Variants in PIEZO2 observed in about 807,000 individuals in gnomAD.
The protein encoded by PIEZO2 is piezo-type mechanosensitive ion channel component 2.
In PIEZO2, 172 loss-of-function variants were observed where a neutral mutation model predicts 337.3. The observed-to-expected ratio is 0.51, with a 90% CI of 0.45 to 0.58. The LOEUF is 0.58. Among genes scored for constraint, PIEZO2 ranks in the 20% least tolerant of loss-of-function variants. PIEZO2 has a pLI of 0.00. For synonymous variants in PIEZO2, 1,251 were observed against 1,228.5 expected, an observed-to-expected ratio of 1.02 and a Z score of -0.38; for missense variants, 3,028 against 3,391.3, an observed-to-expected ratio of 0.89 and a Z score of 2.66.
At chr18:10,868,519 A>G (rs1467164406) in intron 5 of PIEZO2, among the ~76,000 whole-genome samples, 1 of 152,188 alleles carries the variant, frequency 6.6e-6, no homozygotes, top group East Asian at 1.9e-4. Flanking sequence ...ATAAAAATCA[A>G]TGATGTAAAA....
Position 11,048,871 on chromosome 18 carries a change from G to T in PIEZO2, c.160+17256C>A, listed in dbSNP as rs1423789001. Among the ~76,000 whole-genome samples the T allele has an allele frequency of 1.3e-5, 2 of 152,080 alleles. No individual in the cohort carries two copies. Among genetic ancestry groups the T allele is most frequent in the Admixed American group, 1.3e-4 (2 of 15,276 alleles). On this transcript the variant is annotated intron_variant, in intron 2 of 55. Transcript: ENST00000674853. The surrounding 1 kb of genome is among the most constrained non-coding windows in gnomAD (Gnocchi z 4.5). ...TTATAATTAATAATCTGCACTTTTTGAAAGTTAAATATAAATTTTCATCTC... is the reference window on the plus strand; with the variant it reads ...TTATAATTAATAATCTGCACTTTTTTAAAGTTAAATATAAATTTTCATCTC...
At position 10,825,474 on chromosome 18, in the gene PIEZO2, A is replaced by G. The variant is rs149755420; in HGVS notation, c.918-18200T>C. Reference sequence around the variant, plus strand: ...CTTATACCTGATGATGTTAAGTTTGATCACTTGGCTGAGTGTTTGTCAGGT... The same window carrying G: ...CTTATACCTGATGATGTTAAGTTTGGTCACTTGGCTGAGTGTTTGTCAGGT... On this transcript the variant is annotated intron_variant, in intron 7 of 55. Transcript: ENST00000674853. Among the ~76,000 whole-genome samples, 26 of 150,004 alleles carry G rather than the reference A, an allele frequency of 1.7e-4. No homozygotes were observed. In the East Asian group the frequency reaches 4.7e-3, roughly 27 times the overall value.
intron 30 of PIEZO2, 128 bp from the exon 31 acceptor site, chr18:10,744,359 C>T (rs929636270): frequency 7.5e-5 from 48 of 643,036 alleles, no homozygotes; most frequent in Non-Finnish European, 1.2e-4. Flanking sequence ...AGTTTCCTGG[C>T]TGGGAGCAGG....
chr18:11,137,527 G>A (rs978354273), intron 1 of PIEZO2, among the ~76,000 whole-genome samples: 14 of 152,194 alleles, frequency 9.2e-5, no homozygotes, highest in African/African-American at 3.1e-4. Flanking sequence ...CGCATAGCTC[G>A]TTATGAACAG....
At chr18:11,065,940 A>C (rs1015594907) in intron 2 of PIEZO2, among the ~76,000 whole-genome samples, 187 bp downstream of exon 2, 1 of 152,236 alleles carries the variant, frequency 6.6e-6, no homozygotes, top group African/African-American at 2.4e-5. Context: ...ACAAACATGC[A>C]TCACAAACAA....
chr18:10,864,407 C>A (rs2041953423), intron 5 of PIEZO2, among the ~76,000 whole-genome samples: 1 of 152,020 alleles, frequency 6.6e-6, no homozygotes, highest in Non-Finnish European at 1.5e-5. Flanking sequence ...AATATAAGGT[C>A]CTAAGGACAT....
chr18:10,685,075 T>C (rs1339066617), intron 49 of PIEZO2, among the ~76,000 whole-genome samples: 1 of 152,010 alleles, frequency 6.6e-6, no homozygotes, highest in East Asian at 1.9e-4. Flanking sequence ...AGAATAAGAG[T>C]GAGTGGCCTG....
intron 7 of PIEZO2, among the ~76,000 whole-genome samples, chr18:10,820,342 T>G (rs2040486307): frequency 6.7e-6 from 1 of 149,884 alleles, no homozygotes; most frequent in African/African-American, 2.5e-5. Flanking sequence ...GTTCAGTGGT[T>G]TTTTTTTTTT....
Position 11,103,997 on chromosome 18 carries a change from T to A in PIEZO2, c.65-37775A>T, listed in dbSNP as rs192000226. 5.3e-5 allele frequency among the ~76,000 whole-genome samples: 8 copies of A among 152,174 alleles called. No individual in the cohort carries two copies. The East Asian group carries it at 1.5e-3, about 29-fold the overall frequency. ...CGCACCACCACACCCAGCTAAGTGG[T>A]CATATTTTTAATTCACTTTCAAAAC... On this transcript the variant is annotated intron_variant, in intron 1 of 55. Coordinates refer to ENST00000674853, the MANE Select transcript of PIEZO2 (RefSeq NM_001378183.1).
intron 3 of PIEZO2, among the ~76,000 whole-genome samples, chr18:10,951,692 C>T (rs1378730726): frequency 6.6e-6 from 1 of 152,160 alleles, no homozygotes; most frequent in Non-Finnish European, 1.5e-5. Context: ...TTGGGAACCA[C>T]TTCTTTTTAT....
At chr18:11,060,949 A>G (rs1398372166) in intron 2 of PIEZO2, among the ~76,000 whole-genome samples, 1 of 152,198 alleles carries the variant, frequency 6.6e-6, no homozygotes, top group Non-Finnish European at 1.5e-5. Flanking sequence ...CAGAGACACA[A>G]CAAAACAAGA....
rs2040865361 is a variant in PIEZO2 at position 11,148,472 on chromosome 18, C to G, written c.64+53G>C. ...TCACTTTGTTAAGAAGTCCCCCACC[C>G]AGGCGCCCCCCTCGTCCTCCTCAAG... On this transcript the variant is annotated intron_variant, in intron 1 of 55. Transcript: ENST00000674853. The surrounding 1 kb of genome is among the most constrained non-coding windows in gnomAD (Gnocchi z 5.2). 2 of 1,524,302 alleles carry G rather than the reference C, an allele frequency of 1.3e-6. No homozygotes were observed. Among genetic ancestry groups the G allele is most frequent in the Non-Finnish European group, 1.8e-6 (2 of 1,135,370 alleles). The allele number at this position is 1,524,302 out of a possible 1,614,324, so 94.4% of individuals were successfully genotyped here. A position where few individuals can be genotyped will look rare whatever the true frequency, so the allele number is the denominator to read the frequency against.
At chr18:10,710,583 T>G (rs1461344178) in intron 39 of PIEZO2, among the ~76,000 whole-genome samples, 3 of 152,248 alleles carry the variant, frequency 2.0e-5, no homozygotes, top group African/African-American at 4.8e-5. Flanking sequence ...TTCTCGTAAG[T>G]CAAAGGGACT....
rs1214929370 is a variant in PIEZO2, at chr18:11,132,566, G to T, written c.64+15959C>A. ...GAATCAGAAGGTAGAAGTAGAAGTG[G>T]CACCACTCACAATCATCCCTAGTGA... On this transcript the variant is annotated intron_variant, in intron 1 of 55. Coordinates refer to ENST00000674853, the MANE Select transcript of PIEZO2 (RefSeq NM_001378183.1). This position sits in a 1 kb window ranked among gnomAD's most constrained non-coding sequence, Gnocchi z 4.7. 6.6e-6 allele frequency among the ~76,000 whole-genome samples: 1 copy of T among 152,104 alleles called. No homozygotes were observed. The highest frequency in any genetic ancestry group is 2.4e-5 in the African/African-American group (1 of 41,414).
chr18:10,796,918 C>A (rs2039620039), intron 12 of PIEZO2, among the ~76,000 whole-genome samples: 1 of 152,016 alleles, frequency 6.6e-6, no homozygotes, highest in African/African-American at 2.4e-5. Flanking sequence ...TCTTACATAC[C>A]ATCATATATG....
Position 10,940,412 on chromosome 18 carries a change from G to A in PIEZO2, c.287-29184C>T, listed in dbSNP as rs2032663881. ...TGCTACATGGATGCCAACAACATAA[G>A]CGAATCTTACCTGCAGAATATCCTA... On this transcript the variant is annotated intron_variant, in intron 3 of 55. Coordinates refer to ENST00000674853, the MANE Select transcript of PIEZO2 (RefSeq NM_001378183.1). This position sits in a 1 kb window ranked among gnomAD's most constrained non-coding sequence, Gnocchi z 5.3. 6.6e-6 allele frequency among the ~76,000 whole-genome samples: 1 copy of A among 152,152 alleles called. No individual in the cohort carries two copies. Among genetic ancestry groups the A allele is most frequent in the African/African-American group, 2.4e-5 (1 of 41,432 alleles).
intron 2 of PIEZO2, among the ~76,000 whole-genome samples, chr18:11,057,560 G>A (rs919116792): frequency 1.3e-5 from 2 of 152,208 alleles, no homozygotes; most frequent in African/African-American, 2.4e-5. Flanking sequence ...TTTGCAGGGA[G>A]GTGGATTTCA....
In PIEZO2 at chr18:11,028,591, A is replaced by G. The variant is rs1260682265; in HGVS notation, c.160+37536T>C. ...GTGGCCATCTTATATGGTCATTGAC[A>G]CTGTCCTTCAGCTTTATCTGAACAC... On this transcript the variant is annotated intron_variant, in intron 2 of 55. Transcript: ENST00000674853. The surrounding 1 kb of genome is among the most constrained non-coding windows in gnomAD (Gnocchi z 4.8). Among the ~76,000 whole-genome samples, 4 of 152,162 alleles carry G rather than the reference A, an allele frequency of 2.6e-5. No homozygotes were observed. Among genetic ancestry groups the G allele is most frequent in the Non-Finnish European group, 5.9e-5 (4 of 68,028 alleles).
intron 2 of PIEZO2, among the ~76,000 whole-genome samples, chr18:11,013,111 A>G (rs2035962113): frequency 6.6e-6 from 1 of 152,254 alleles, no homozygotes; most frequent in Non-Finnish European, 1.5e-5. Context: ...TGTAATTCCC[A>G]GAACCTGTGA....
Sources: gnomAD v4.1 joint callset for allele counts (sites outside exome capture counted in the v4.1 genomes callset) on GRCh38, gnomAD v4.1.1 for gene constraint, Gnocchi (gnomAD v3.1) non-coding constraint, MANE v1.5 for transcripts, NCBI Gene and HGNC (gene_info 2026-07-23, HGNC 2026-07-21) for gene names.